EPS15L1: variants seen among roughly 807,000 people sequenced by gnomAD.
EPS15L1 encodes epidermal growth factor receptor pathway substrate 15 like 1.
A neutral mutation model predicts 117.1 loss-of-function variants in EPS15L1; 43 were observed. That is an observed-to-expected ratio of 0.37 (90% CI 0.29 to 0.47). The LOEUF (loss-of-function observed/expected upper bound fraction) is 0.47, where lower values mean the gene tolerates loss of function less well. Among genes scored for constraint, EPS15L1 ranks in the 20% least tolerant of loss-of-function variants. The probability of loss-of-function intolerance (pLI) is 0.99; values close to 1 mark genes in which losing one functional copy is unlikely to be tolerated. For synonymous variants in EPS15L1, 459 were observed against 470.5 expected (o/e 0.98, Z 0.32); for missense variants, 981 against 1,164.0 (o/e 0.84, Z 2.29).
intron 1 of EPS15L1, among the ~76,000 whole-genome samples, chr19:16,450,275 C>A (rs2093126790): frequency 6.6e-6 from 1 of 152,038 alleles, no homozygotes; most frequent in South Asian, 2.1e-4. Context: ...AACCTTGATT[C>A]CGTGCTCTGA....
chr19:16,445,866 C>T (rs1286515318), intron 1 of EPS15L1, among the ~76,000 whole-genome samples: 1 of 152,234 alleles, frequency 6.6e-6, no homozygotes, highest in Non-Finnish European at 1.5e-5. Flanking sequence ...GAAGGAAGTG[C>T]AGCAGAGCTG....
chr19:16,385,256 A>G lies in EPS15L1; in HGVS notation c.2165-45T>C, dbSNP rs757437526. ...AGTCAGAGTTACAGGTCTTTAAGAG[A>G]ACATGCCTTCTGGGGTGGAGGGGAA... On this transcript the variant is annotated intron_variant, in intron 20 of 23. Coordinates refer to ENST00000455140, the MANE Select transcript of EPS15L1 (RefSeq NM_001258374.3). The G allele has an allele frequency of 2.6e-6, 4 of 1,525,644 alleles. No homozygotes were observed. In the South Asian group the frequency reaches 4.5e-5, roughly 17 times the overall value. The allele number at this position is 1,525,644 out of a possible 1,614,324, so 94.5% of individuals were successfully genotyped here.
chr19:16,421,100 C>T (rs907708570), intron 10 of EPS15L1, among the ~76,000 whole-genome samples: 11 of 152,258 alleles, frequency 7.2e-5, no homozygotes, highest in African/African-American at 2.7e-4. Flanking sequence ...GCCCTTCCTA[C>T]TGAAAGACAG....
At chr19:16,429,269 G>A (rs1178621057) in intron 7 of EPS15L1, among the ~76,000 whole-genome samples, 4 of 152,174 alleles carry the variant, frequency 2.6e-5, no homozygotes, top group Admixed American at 2.0e-4. Flanking sequence ...GCGCTGAAGA[G>A]AAGGCAGGCA....
At chr19:16,393,476 C>T (rs1266173677) in intron 18 of EPS15L1, among the ~76,000 whole-genome samples, 1 of 151,474 alleles carries the variant, frequency 6.6e-6, no homozygotes, top group Non-Finnish European at 1.5e-5. Flanking sequence ...GGTGAAACCC[C>T]GTCTCTACTA....
chr19:16,440,972 A>C (rs1599654705), intron 3 of EPS15L1, 63 bp from the exon 4 acceptor site: 1 of 1,535,788 alleles, frequency 6.5e-7, no homozygotes, highest in South Asian at 1.1e-5. Context: ...GTTAACAAAA[A>C]CCAGAGCCGC....
Position 16,355,532 on chromosome 19 carries a change from A to C in EPS15L1, c.*173T>G. 2.5e-6 allele frequency: 2 copies of C among 790,834 alleles called. No homozygotes were observed. Among genetic ancestry groups the C allele is most frequent in the Non-Finnish European group, 3.9e-6 (2 of 516,686 alleles). The allele number at this position is 790,834 out of a possible 1,614,324, so 49.0% of individuals were successfully genotyped here. On this transcript the variant is annotated 3_prime_UTR_variant, in exon 24 of 24. Transcript: ENST00000455140. Reference sequence around the variant, plus strand: ...CCAAGGCCTCTGTAAGGGCTTCCCCAGGAGATGTGACCTTTCCAGGTCTTG... The same window carrying C: ...CCAAGGCCTCTGTAAGGGCTTCCCCCGGAGATGTGACCTTTCCAGGTCTTG...
At chr19:16,392,504 ACACAT>A (rs750234742) in intron 18 of EPS15L1, 64 bp from the exon 19 acceptor site, 686 of 1,456,522 alleles carry the variant, frequency 4.7e-4, no homozygotes, top group Non-Finnish European at 5.2e-4. Flanking sequence ...ACATAAAAGA[ACACAT>A]CACAGAATGA....
At chr19:16,440,836 T>A in intron 4 of EPS15L1, 26 bp downstream of exon 4, 1 of 1,612,886 alleles carries the variant, frequency 6.2e-7, no homozygotes, top group Non-Finnish European at 8.5e-7. Flanking sequence ...AGCCCCTCCA[T>A]TTGCTCTGTG....
chr19:16,465,354 T>G (rs777195021), intron 1 of EPS15L1, among the ~76,000 whole-genome samples: 7 of 152,132 alleles, frequency 4.6e-5, no homozygotes, highest in African/African-American at 7.2e-5. Context: ...CCAGGAGCAC[T>G]GATTACCACT....
chr19:16,426,347 C>T (rs1017912389), intron 8 of EPS15L1, among the ~76,000 whole-genome samples: 1 of 152,132 alleles, frequency 6.6e-6, no homozygotes, highest in Middle Eastern at 3.2e-3. Flanking sequence ...AAAATGTCCA[C>T]GTTGAAACCA....
At chr19:16,437,408 T>G (rs556062007) in intron 5 of EPS15L1, among the ~76,000 whole-genome samples, 1 of 152,280 alleles carries the variant, frequency 6.6e-6, no homozygotes, top group Non-Finnish European at 1.5e-5. Context: ...GTTAGAGAAT[T>G]CCATTGATAG....
At chr19:16,443,744 T>A (rs545309786) in intron 1 of EPS15L1, among the ~76,000 whole-genome samples, 2 of 150,810 alleles carry the variant, frequency 1.3e-5, no homozygotes, top group Admixed American at 1.3e-4. Context: ...AATGCCCGGA[T>A]TATGGTCAGC....
intron 3 of EPS15L1, 151 bp from the exon 4 acceptor site, chr19:16,441,060 G>C: frequency 1.3e-6 from 1 of 770,942 alleles, no homozygotes; most frequent in South Asian, 1.4e-5. Context: ...CCAATTCAGA[G>C]CAGGTGAATG....
chr19:16,393,521 C>T (rs1016173579), intron 18 of EPS15L1, among the ~76,000 whole-genome samples: 3 of 150,952 alleles, frequency 2.0e-5, no homozygotes, highest in African/African-American at 4.9e-5. Flanking sequence ...TGGTAGCGGG[C>T]GCCTGTAGTC....
intron 1 of EPS15L1, among the ~76,000 whole-genome samples, chr19:16,449,746 C>T (rs1221740860): frequency 6.6e-6 from 1 of 152,144 alleles, no homozygotes; most frequent in Non-Finnish European, 1.5e-5. Context: ...GGTAACACCC[C>T]GGATGTCCTC....
rs2091969396 is a variant in EPS15L1 at position 16,355,566 on chromosome 19, T to A, written c.*139A>T. ...GACCTTTCCAGGTCTTGCAGCCGAG[T>A]CTGCTCACCCTGAACAAGCCCCCGA... On this transcript the variant is annotated 3_prime_UTR_variant, in exon 24 of 24. Transcript: ENST00000455140. The A allele has an allele frequency of 4.5e-6, 5 of 1,119,132 alleles. No homozygotes were observed. In the East Asian group the frequency reaches 1.3e-4, roughly 29 times the overall value. 69.3% of individuals were successfully genotyped at this position (1,119,132 alleles called of 1,614,324 possible). A position where few individuals can be genotyped will look rare whatever the true frequency, so the allele number is the denominator to read the frequency against.
At chr19:16,386,779 C>CACA (rs2144748394) in intron 19 of EPS15L1, among the ~76,000 whole-genome samples, 1 of 152,348 alleles carries the variant, frequency 6.6e-6, no homozygotes, top group South Asian at 2.1e-4. Context: ...GGACTCGAGG[C>CACA]AGCCTGTAGC....
intron 20 of EPS15L1, among the ~76,000 whole-genome samples, chr19:16,385,450 T>C (rs145407420): frequency 1.7e-3 from 254 of 152,266 alleles, no homozygotes; most frequent in African/African-American, 5.6e-3. Flanking sequence ...TTCACGGTCA[T>C]CAGAAGAGTG....
Sources: gnomAD v4.1 joint callset for allele counts (sites outside exome capture counted in the v4.1 genomes callset) on GRCh38, gnomAD v4.1.1 for gene constraint, MANE v1.5 for transcripts, NCBI Gene and HGNC (gene_info 2026-07-23, HGNC 2026-07-21) for gene names.